BCR: variants seen among roughly 807,000 people sequenced by gnomAD.
BCR encodes BCR activator of RhoGEF and GTPase.
In BCR, 58 loss-of-function variants were observed where a neutral mutation model predicts 138.6. The observed-to-expected ratio is 0.42, with a 90% CI of 0.34 to 0.52. The LOEUF (loss-of-function observed/expected upper bound fraction) is 0.52, where lower values mean the gene tolerates loss of function less well. Among genes scored for constraint, BCR ranks in the 20% least tolerant of loss-of-function variants. BCR has a pLI of 0.06. For missense variants in BCR, 1,599 were observed against 1,727.2 expected, an observed-to-expected ratio of 0.93 and a Z score of 1.32; for synonymous variants, 786 against 730.1, an observed-to-expected ratio of 1.08 and a Z score of -1.23.
chr22:23,260,838 G>T, intron 2 of BCR, 112 bp from the exon 3 acceptor site: 1 of 979,284 alleles, frequency 1.0e-6, no homozygotes, highest in South Asian at 1.3e-5. Context: ...GCCTTTGTGG[G>T]GGCAGGGGTT....
intron 10 of BCR, among the ~76,000 whole-genome samples, chr22:23,285,919 G>A (rs752696894): frequency 3.9e-5 from 6 of 152,222 alleles, no homozygotes; most frequent in Non-Finnish European, 8.8e-5. Flanking sequence ...GCAGGAATGC[G>A]GGAGCTCAGT....
chr22:23,190,937 CT>C (rs899657983), intron 1 of BCR, among the ~76,000 whole-genome samples: 1 of 151,174 alleles, frequency 6.6e-6, no homozygotes, highest in South Asian at 2.1e-4. Context: ...AATTTATTAC[CT>C]TTTTTTTTAA....
intron 8 of BCR, among the ~76,000 whole-genome samples, chr22:23,274,638 G>A (rs949112324): frequency 2.0e-5 from 3 of 152,228 alleles, no homozygotes; most frequent in South Asian, 2.1e-4. Context: ...GGCTGGGTGC[G>A]GTGGCTCACG....
chr22:23,189,151 C>T (rs538430429), intron 1 of BCR, among the ~76,000 whole-genome samples: 1 of 152,280 alleles, frequency 6.6e-6, no homozygotes, highest in East Asian at 1.9e-4. Context: ...TGAGCCACTG[C>T]GCCCGGCTAA....
Position 23,183,591 on chromosome 22 carries a change from C to T in BCR, c.1279+1352C>T, listed in dbSNP as rs78927749. ...CTGTACTATTCAGAAGCCTGCTTTG[C>T]AGGCACATCAGCTCGTTCGGGGTCT... On this transcript the variant is annotated intron_variant, in intron 1 of 22. Transcript: ENST00000305877. Among the ~76,000 whole-genome samples the T allele has an allele frequency of 1.8e-4, 27 of 152,346 alleles. No homozygotes were observed. In the East Asian group the frequency reaches 4.4e-3, roughly 25 times the overall value.
intron 1 of BCR, among the ~76,000 whole-genome samples, chr22:23,212,857 C>G (rs749350143): frequency 6.6e-6 from 1 of 152,238 alleles, no homozygotes; most frequent in Admixed American, 6.5e-5. Flanking sequence ...ACACCCTGTT[C>G]TGAATATTGC....
At chr22:23,261,129 AGTCCCAG>A in intron 3 of BCR, 75 bp downstream of exon 3, 1 of 1,455,442 alleles carries the variant, frequency 6.9e-7, no homozygotes, top group East Asian at 2.3e-5. Context: ...TTTGCCCTTA[AGTCCCAG>A]GTCAGCTGTC....
At chr22:23,294,573 G>A (rs912785236) in intron 15 of BCR, among the ~76,000 whole-genome samples, 3 of 152,104 alleles carry the variant, frequency 2.0e-5, no homozygotes, top group Non-Finnish European at 4.4e-5. Context: ...ACTATTTTTC[G>A]TATTTTTAGT....
chr22:23,237,450 C>T (rs893405078), intron 1 of BCR, among the ~76,000 whole-genome samples: 2 of 152,218 alleles, frequency 1.3e-5, no homozygotes, highest in Non-Finnish European at 2.9e-5. Flanking sequence ...GGATTATCAC[C>T]GTGGGTGGTA....
chr22:23,273,500 A>G lies in BCR; in HGVS notation c.1975-134A>G, dbSNP rs1013447676. 8 of 1,232,162 alleles carry G rather than the reference A, an allele frequency of 6.5e-6. No homozygotes were observed. The African/African-American group carries it at 1.0e-4, about 16-fold the overall frequency. The allele number at this position is 1,232,162 out of a possible 1,614,324, so 76.3% of individuals were successfully genotyped here. A position where few individuals can be genotyped will look rare whatever the true frequency, so the allele number is the denominator to read the frequency against. On this transcript the variant is annotated intron_variant, in intron 7 of 22. Coordinates refer to ENST00000305877, the MANE Select transcript of BCR (RefSeq NM_004327.4). The stretch of plus-strand genomic sequence containing the variant: ...GCTCTGTCCACAAAGCTGGGGCCCA[A>G]GTGAGAGAGACTGTGGTGACACTGA...
chr22:23,209,126 G>A (rs548275147), intron 1 of BCR, among the ~76,000 whole-genome samples: 16 of 152,238 alleles, frequency 1.1e-4, no homozygotes, highest in East Asian at 9.7e-4. Context: ...TTGGTAGGCC[G>A]AAGTGTGGAT....
At position 23,310,409 on chromosome 22, in the gene BCR, G is replaced by A; in HGVS notation, c.3158G>A (p.Gly1053Glu). The change falls in exon 18 of 23, where the codon GGA (glycine) becomes GAA (glutamate). Residue 1053 changes from glycine to glutamate, a missense_variant. Gly to Glu is a moderately conservative substitution (Grantham distance 98). Transcript: ENST00000305877. ...TCCCGAAAACAGACAGGGGTCTTCG[G>A]AGTCAAGATTGCTGTGGTCACCAAG... Reference protein sequence around the residue: ...MPSRKQTGVFGVKIAVVTKRE... With the variant: ...MPSRKQTGVFEVKIAVVTKRE... 8.3e-7 allele frequency: 1 copy of A among 1,203,638 alleles called. No individual in the cohort carries two copies. The highest frequency in any genetic ancestry group is 1.2e-6 in the Non-Finnish European group (1 of 813,854). The allele number at this position is 1,203,638 out of a possible 1,614,324, so 74.6% of individuals were successfully genotyped here.
At chr22:23,297,204 G>GTTGTT (rs1250686366) in intron 16 of BCR, among the ~76,000 whole-genome samples, 14 of 124,178 alleles carry the variant, frequency 1.1e-4, no homozygotes, top group African/African-American at 4.9e-4. Flanking sequence ...GCCTGGCTAA[G>GTTGTT]TTGTTTTTTG....
At chr22:23,264,842 C>T (rs1327624594) in intron 4 of BCR, 3 of 152,714 alleles carry the variant, frequency 2.0e-5, no homozygotes, top group African/African-American at 7.2e-5. Flanking sequence ...TCCTGGGGCA[C>T]TGTGGCCTGG....
intron 4 of BCR, among the ~76,000 whole-genome samples, chr22:23,266,465 T>C (rs977100727): frequency 6.7e-5 from 10 of 149,086 alleles, no homozygotes; most frequent in African/African-American, 2.5e-4. Flanking sequence ...TCTTAGCTCC[T>C]TGCAACCTCT....
In BCR at chr22:23,209,851, ACCTCCTGGCCTCAGGCCAT is replaced by A. The variant is rs1340356749; in HGVS notation, c.1279+27620_1279+27638del. On this transcript the variant is annotated intron_variant, in intron 1 of 22. Transcript: ENST00000305877. ...TGCTGTGTTGCCCAGGCTGGTCTCAACCTCCTGGCCTCAGGCCATCCTCCTGCCTTAGCCCCCTGAGTAA... is the reference window on the plus strand; with the variant it reads ...TGCTGTGTTGCCCAGGCTGGTCTCAACCTCCTGCCTTAGCCCCCTGAGTAA... Among the ~76,000 whole-genome samples, 10 of 152,080 alleles carry A rather than the reference ACCTCCTGGCCTCAGGCCAT, an allele frequency of 6.6e-5. No homozygotes were observed. In the East Asian group the frequency reaches 1.3e-3, roughly 21 times the overall value.
At chr22:23,270,963 T>A (rs1005894787) in intron 5 of BCR, among the ~76,000 whole-genome samples, 2 of 152,270 alleles carry the variant, frequency 1.3e-5, no homozygotes, top group South Asian at 4.1e-4. Flanking sequence ...AGTGTCAGTC[T>A]GCAGTGGTGG....
In BCR at chr22:23,181,020, C is replaced by A. The variant is rs774852686; in HGVS notation, c.60C>A (p.Pro20=). 5.1e-5 allele frequency: 76 copies of A among 1,495,578 alleles called. No homozygotes were observed. Among genetic ancestry groups the A allele is most frequent in the Non-Finnish European group, 5.9e-5 (66 of 1,114,062 alleles). The allele number at this position is 1,495,578 out of a possible 1,614,324, so 92.6% of individuals were successfully genotyped here. A position where few individuals can be genotyped will look rare whatever the true frequency, so the allele number is the denominator to read the frequency against. Residue 20 remains proline (P), a synonymous_variant, in exon 1 of 23, where the codon CCC becomes CCA. Coordinates refer to ENST00000305877, the MANE Select transcript of BCR (RefSeq NM_004327.4). The part of the protein sequence containing the change: ...AWKAQFPDSE[P]PRMELRSVGD... ...AGGCGCAGTTCCCGGACTCAGAGCC[C>A]CCGCGCATGGAGCTGCGCTCAGTGG...
At chr22:23,210,432 A>C (rs965418227) in intron 1 of BCR, among the ~76,000 whole-genome samples, 1 of 152,156 alleles carries the variant, frequency 6.6e-6, no homozygotes, top group Non-Finnish European at 1.5e-5. Context: ...GAAAAAAAAA[A>C]AAAAAATTAA....
Sources: allele counts gnomAD v4.1 joint callset (sites outside exome capture counted in the v4.1 genomes callset), GRCh38; gene constraint gnomAD v4.1.1; transcripts MANE v1.5; gene names NCBI Gene and HGNC (gene_info 2026-07-23, HGNC 2026-07-21).